Variants in SRBD1 observed in about 807,000 individuals in gnomAD.
The protein encoded by SRBD1 is S1 RNA-binding domain-containing protein 1.
SRBD1 carries 88 observed loss-of-function variants against 115.3 expected under a neutral mutation model. That is an observed-to-expected ratio of 0.76 (90% CI 0.64 to 0.91). The LOEUF (loss-of-function observed/expected upper bound fraction) is 0.91. Ranked by LOEUF, SRBD1 falls within the 40% of genes least tolerant of loss-of-function variation. SRBD1 has a pLI of 0.00. For synonymous variants in SRBD1, 509 were observed against 407.7 expected (o/e 1.25, Z -2.99); for missense variants, 1,385 against 1,177.4 (o/e 1.18, Z -2.58).
chr2:45,461,782 T>C (rs1051400656), intron 16 of SRBD1, among the ~76,000 whole-genome samples: 1 of 152,196 alleles, frequency 6.6e-6, no homozygotes, highest in African/African-American at 2.4e-5. Context: ...TCCTTGACTC[T>C]TATTTGACTT....
rs144035695 is a variant in SRBD1, at chr2:45,465,159, T to C, written c.2049+11834A>G. Among the ~76,000 whole-genome samples, 270 of 152,252 alleles carry C rather than the reference T, an allele frequency of 1.8e-3. 2 individuals carry two copies. Among genetic ancestry groups the C allele is most frequent in the African/African-American group, 6.3e-3 (262 of 41,526 alleles). On this transcript the variant is annotated intron_variant, in intron 16 of 20. Transcript: ENST00000263736. ...CGGTGTAGTATTTGCATTTAACCTA[T>C]GCTGCACAACCTCCTGTGTACTTTA...
chr2:45,499,765 G>A (rs4953235), intron 14 of SRBD1, among the ~76,000 whole-genome samples: 135,144 of 152,158 alleles, frequency 0.89, 60,390 homozygotes, highest in African/African-American at 0.97. Context: ...CCTTTCCCCA[G>A]TGTGTGTTCT....
At chr2:45,609,067 A>G (rs1244498419) in intron 1 of SRBD1, among the ~76,000 whole-genome samples, 1 of 152,156 alleles carries the variant, frequency 6.6e-6, no homozygotes, top group Non-Finnish European at 1.5e-5. Context: ...TCGGCCTCCC[A>G]AAGTGCTGGG....
intron 16 of SRBD1, among the ~76,000 whole-genome samples, chr2:45,424,905 T>G (rs1468674851): frequency 6.6e-6 from 1 of 152,184 alleles, no homozygotes; most frequent in Non-Finnish European, 1.5e-5. Flanking sequence ...CCTTTTCTTC[T>G]TTTGATTCAA....
chr2:45,416,176 T>A (rs1213984386), intron 18 of SRBD1, among the ~76,000 whole-genome samples: 1 of 151,984 alleles, frequency 6.6e-6, no homozygotes, highest in African/African-American at 2.4e-5. Flanking sequence ...CAAATATGAA[T>A]GTATTAATAA....
At chr2:45,586,229 C>A (rs1166361477) in intron 4 of SRBD1, among the ~76,000 whole-genome samples, 2 of 152,158 alleles carry the variant, frequency 1.3e-5, no homozygotes, top group African/African-American at 4.8e-5. Context: ...GGAAATTTAT[C>A]ATAACATATA....
At chr2:45,608,953 G>A (rs150041331) in intron 1 of SRBD1, among the ~76,000 whole-genome samples, 11 of 151,934 alleles carry the variant, frequency 7.2e-5, no homozygotes, top group Admixed American at 2.6e-4. Flanking sequence ...GATTACAGGC[G>A]TGTACCACCA....
intron 16 of SRBD1, among the ~76,000 whole-genome samples, chr2:45,460,188 T>G (rs968042451): frequency 1.3e-5 from 2 of 152,196 alleles, no homozygotes; most frequent in African/African-American, 4.8e-5. Context: ...CTGGGCTGGA[T>G]GTCTTCTGCA....
chr2:45,488,094 T>A (rs1180647427), intron 15 of SRBD1, 146 bp downstream of exon 15: 2 of 672,280 alleles, frequency 3.0e-6, no homozygotes, highest in African/African-American at 1.8e-5. Flanking sequence ...ATTAGTCCAA[T>A]TAACCACTTT....
chr2:45,481,615 G>A (rs1340975707), intron 15 of SRBD1, among the ~76,000 whole-genome samples: 3 of 151,930 alleles, frequency 2.0e-5, no homozygotes, highest in African/African-American at 4.8e-5. Context: ...TTATTCTCAG[G>A]CATACACTCA....
At chr2:45,580,071 T>C (rs1290714844) in intron 6 of SRBD1, 58 bp from the exon 7 acceptor site, 2 of 1,387,956 alleles carry the variant, frequency 1.4e-6, no homozygotes, top group Non-Finnish European at 1.9e-6. Flanking sequence ...AAGTTAAAAC[T>C]AGGTTACAAA....
chr2:45,578,536 T>G (rs903754211), intron 7 of SRBD1, among the ~76,000 whole-genome samples: 12 of 152,208 alleles, frequency 7.9e-5, no homozygotes, highest in African/African-American at 2.9e-4. Flanking sequence ...AAATCACAAA[T>G]TCACATTTGC....
intron 2 of SRBD1, among the ~76,000 whole-genome samples, chr2:45,604,779 T>C (rs893694587): frequency 6.6e-6 from 1 of 152,194 alleles, no homozygotes; most frequent in East Asian, 1.9e-4. Flanking sequence ...ATGCTCTCTA[T>C]CCCCTGCCCT....
At chr2:45,480,465 T>C (rs1296792049) in intron 15 of SRBD1, among the ~76,000 whole-genome samples, 2 of 152,298 alleles carry the variant, frequency 1.3e-5, no homozygotes, top group African/African-American at 2.4e-5. Context: ...GGATTCAATA[T>C]TTTGGTGGAG....
At chr2:45,578,809 A>C (rs1305287571) in intron 7 of SRBD1, among the ~76,000 whole-genome samples, 4 of 152,182 alleles carry the variant, frequency 2.6e-5, no homozygotes, top group African/African-American at 9.7e-5. Flanking sequence ...TAATATCGTA[A>C]TGTATACTGT....
At chr2:45,568,010 G>C (rs1672888176) in intron 9 of SRBD1, 1 of 152,178 alleles carries the variant, frequency 6.6e-6, no homozygotes, top group African/African-American at 2.4e-5. Flanking sequence ...GCTTGGGACA[G>C]AAACTGAAAT....
rs762993121 is a variant in SRBD1, at chr2:45,585,735, C to T, written c.688G>A (p.Ala230Thr). The T allele has an allele frequency of 1.2e-6, 2 of 1,610,052 alleles. No individual in the cohort carries two copies. Among genetic ancestry groups the T allele is most frequent in the South Asian group, 2.2e-5 (2 of 90,072 alleles). ...ERTNIEPWVC[A>T]NIIRLFNDDN... ...TCATTAAAGAGACGAATGATGTTGG[C>T]ACAAACCCAAGGTTCAATATTAGTT... Residue 230 changes from alanine to threonine, a missense_variant, in exon 5 of 21, where the codon GCC becomes ACC. Coordinates refer to ENST00000263736, the MANE Select transcript of SRBD1 (RefSeq NM_018079.5).
At chr2:45,517,129 G>T in intron 14 of SRBD1, among the ~76,000 whole-genome samples, 1 of 152,120 alleles carries the variant, frequency 6.6e-6, no homozygotes, top group East Asian at 1.9e-4. Context: ...AGTAATGAGG[G>T]TATCTAAAGC....
In SRBD1 at chr2:45,401,513, C is replaced by A. The variant is rs527776688; in HGVS notation, c.2514-8384G>T. Among the ~76,000 whole-genome samples, 95 of 152,302 alleles carry A rather than the reference C, an allele frequency of 6.2e-4. 1 individual carries two copies. Among genetic ancestry groups the A allele is most frequent in the African/African-American group, 2.3e-3 (94 of 41,580 alleles). ...GCTGCCAATTCTTATAAGGCAAGTC[C>A]AAGTTCAGAAAACTTCGGGCTTTTT... is the stretch of plus-strand genomic sequence containing the variant. On this transcript the variant is annotated intron_variant, in intron 19 of 20. Transcript: ENST00000263736.
Sources: allele counts gnomAD v4.1 joint callset (sites outside exome capture counted in the v4.1 genomes callset), GRCh38; gene constraint gnomAD v4.1.1; transcripts MANE v1.5; gene names NCBI Gene and HGNC (gene_info 2026-07-23, HGNC 2026-07-21).